DHX35: variants seen among roughly 807,000 people sequenced by gnomAD.
DHX35 encodes the protein probable ATP-dependent RNA helicase DHX35.
A neutral mutation model predicts 99.6 loss-of-function variants in DHX35; 84 were observed. The observed-to-expected ratio is 0.84, with a 90% CI of 0.71 to 1.01. The LOEUF (loss-of-function observed/expected upper bound fraction) is 1.01, where lower values mean the gene tolerates loss of function less well. DHX35 is among the 50% of genes least tolerant of loss of function. The probability of loss-of-function intolerance (pLI) is 0.00; values close to 1 mark genes in which losing one functional copy is unlikely to be tolerated. For missense variants in DHX35, 852 were observed against 888.5 expected, an observed-to-expected ratio of 0.96 and a Z score of 0.52; for synonymous variants, 331 against 316.2, an observed-to-expected ratio of 1.05 and a Z score of -0.50.
intron 18 of DHX35, among the ~76,000 whole-genome samples, chr20:39,025,787 A>T (rs1343499804): frequency 6.6e-6 from 1 of 152,232 alleles, no homozygotes; most frequent in African/African-American, 2.4e-5. Flanking sequence ...GCAGCCACTA[A>T]AGGTAAGACA....
rs1350930172 is a variant in DHX35, at chr20:39,002,882, A to G, written c.852+14A>G. On this transcript the variant is annotated intron_variant, in intron 10 of 21. Coordinates refer to ENST00000252011, the MANE Select transcript of DHX35 (RefSeq NM_021931.4). ...CTTACTGGCCAGGTAATGCCACTGT[A>G]CTTCTCTGATGAATAGACATGTTAA... The G allele has an allele frequency of 6.2e-7, 1 of 1,606,948 alleles. No individual in the cohort carries two copies.
At position 39,038,506 on chromosome 20, in the gene DHX35, C is replaced by T. The variant is rs915159909; in HGVS notation, c.2075C>T (p.Ser692Phe). The change falls in exon 22 of 22, where the codon TCT becomes TTT. Residue 692 changes from serine (S) to phenylalanine (F), a missense_variant. Transcript: ENST00000252011. ...TCTTCTCTTCTGTTGCAGCACCTGTCTCTGAAAGCCAAAAGGGCCAAGGTC... is the reference window on the plus strand; with the variant it reads ...TCTTCTCTTCTGTTGCAGCACCTGTTTCTGAAAGCCAAAAGGGCCAAGGTC... ...PHFYQQGTHLSLKAKRAKVQD... is the reference protein window; with the variant it reads ...PHFYQQGTHLFLKAKRAKVQD... The T allele has an allele frequency of 6.2e-7, 1 of 1,613,604 alleles. No individual in the cohort carries two copies. Among genetic ancestry groups the T allele is most frequent in the South Asian group, 1.1e-5 (1 of 91,086 alleles).
chr20:39,033,106 C>T (rs186745891), intron 20 of DHX35, among the ~76,000 whole-genome samples: 6 of 152,052 alleles, frequency 3.9e-5, no homozygotes, highest in Admixed American at 6.5e-5. Context: ...CATGGTGGCA[C>T]GTGGCTGTAG....
intron 11 of DHX35, among the ~76,000 whole-genome samples, chr20:39,005,240 G>C (rs991679937): frequency 2.0e-5 from 3 of 152,130 alleles, no homozygotes; most frequent in African/African-American, 7.2e-5. Flanking sequence ...CCCTTCAGGG[G>C]CAGCTCCCAA....
chr20:39,019,005 GTA>G, intron 15 of DHX35, 106 bp downstream of exon 15: 5 of 941,070 alleles, frequency 5.3e-6, no homozygotes, highest in Non-Finnish European at 6.7e-6. Flanking sequence ...TGGTAAAGAA[GTA>G]TATATATATC....
chr20:38,972,734 T>G, intron 3 of DHX35, 83 bp downstream of exon 3: 1 of 876,212 alleles, frequency 1.1e-6, no homozygotes, highest in Non-Finnish European at 1.8e-6. Context: ...TTACTATCAT[T>G]TACATTTTTA....
intron 12 of DHX35, 103 bp from the exon 13 acceptor site, chr20:39,010,177 A>G (rs1272303598): frequency 1.3e-5 from 19 of 1,511,042 alleles, no homozygotes; most frequent in Non-Finnish European, 1.3e-5. Flanking sequence ...CTAGAATCCT[A>G]GAGACCCTTG....
chr20:39,006,091 G>T, intron 11 of DHX35, 55 bp from the exon 12 acceptor site: 1 of 1,578,166 alleles, frequency 6.3e-7, no homozygotes, highest in East Asian at 2.3e-5. Context: ...TTACGAGTTT[G>T]TTAAAAGCAA....
intron 1 of DHX35, among the ~76,000 whole-genome samples, chr20:38,963,233 A>G (rs147113605): frequency 6.6e-6 from 1 of 152,348 alleles, no homozygotes; most frequent in African/African-American, 2.4e-5. Flanking sequence ...AGTTTCTTGT[A>G]AAAAACAAAA....
intron 1 of DHX35, among the ~76,000 whole-genome samples, chr20:38,966,570 C>T (rs955778305): frequency 1.3e-5 from 2 of 152,124 alleles, no homozygotes; most frequent in Admixed American, 1.3e-4. Context: ...TCGGGATGCC[C>T]AGGCAGGAGA....
At chr20:38,995,288 G>A (rs1568732526) in intron 8 of DHX35, among the ~76,000 whole-genome samples, 1 of 152,206 alleles carries the variant, frequency 6.6e-6, no homozygotes, top group East Asian at 1.9e-4. Context: ...ACTTTGGGAG[G>A]CTGAGGTGGG....
Position 39,014,866 on chromosome 20 carries a change from T to C in DHX35, c.1348-14T>C, listed in dbSNP as rs150199159. The C allele has an allele frequency of 2.6e-4, 424 of 1,614,218 alleles. 1 individual carries two copies. Among genetic ancestry groups the C allele is most frequent in the Non-Finnish European group, 3.3e-4 (392 of 1,180,018 alleles). ...AAATAAATTGATTCAGGAAGATTTTTATGTTTTTTCCAGCCCCCTCCAGCA... is the reference window on the plus strand; with the variant it reads ...AAATAAATTGATTCAGGAAGATTTTCATGTTTTTTCCAGCCCCCTCCAGCA... On this transcript the variant is annotated splice_polypyrimidine_tract_variant and intron_variant, in intron 13 of 21. Transcript: ENST00000252011.
intron 8 of DHX35, among the ~76,000 whole-genome samples, chr20:39,000,080 T>C (rs1391277726): frequency 6.6e-6 from 1 of 152,210 alleles, no homozygotes; most frequent in Non-Finnish European, 1.5e-5. Context: ...TGTCCTCCCT[T>C]AGGGACCCCT....
rs1344074590 is a variant in DHX35 at position 39,018,869 on chromosome 20, C to A, written c.1468C>A (p.Pro490Thr). The A allele has an allele frequency of 6.2e-7, 1 of 1,613,884 alleles. No homozygotes were observed. Among genetic ancestry groups the A allele is most frequent in the East Asian group, 2.2e-5 (1 of 44,876 alleles). Residue 490 changes from proline to threonine, a missense_variant, in exon 15 of 22, where the codon CCC becomes ACC. By Grantham distance (38) the Pro-to-Thr change is conservative. Transcript: ENST00000252011. Reference protein sequence around the residue: ...GMRIAEFPLNPMFAKMLLESG... With the variant: ...GMRIAEFPLNTMFAKMLLESG... ...GAGAATTGCAGAGTTTCCTTTGAAT[C>A]CCATGTTTGCCAAAATGCTGCTTGA...
At chr20:39,004,434 C>T (rs1180046416) in intron 11 of DHX35, among the ~76,000 whole-genome samples, 1 of 152,194 alleles carries the variant, frequency 6.6e-6, no homozygotes, top group Non-Finnish European at 1.5e-5. Context: ...CAGGTGACTT[C>T]TCTTTTCTTC....
At chr20:39,000,361 C>A (rs771266172) in intron 8 of DHX35, among the ~76,000 whole-genome samples, 31 of 152,142 alleles carry the variant, frequency 2.0e-4, no homozygotes, top group Non-Finnish European at 4.3e-4. Context: ...TCTTTTGGGG[C>A]ATGGGGTGTC....
chr20:38,983,649 C>T (rs377086996), intron 3 of DHX35, 50 bp from the exon 4 acceptor site: 11 of 1,499,452 alleles, frequency 7.3e-6, no homozygotes, highest in African/African-American at 6.9e-5. Context: ...GGGGAGATTG[C>T]TCTGCAAAAG....
intron 1 of DHX35, chr20:38,962,693 C>T: frequency 4.6e-6 from 2 of 438,254 alleles, no homozygotes; most frequent in Non-Finnish European, 8.2e-6. Context: ...GCCCACCCCG[C>T]GAGATGGGGA....
intron 16 of DHX35, among the ~76,000 whole-genome samples, chr20:39,022,395 G>A (rs973625424): frequency 1.3e-5 from 2 of 152,112 alleles, no homozygotes; most frequent in African/African-American, 4.8e-5. Flanking sequence ...CTGACCTCAG[G>A]TGATCCGCCC....
Sources: gnomAD v4.1 joint callset for allele counts (sites outside exome capture counted in the v4.1 genomes callset) on GRCh38, gnomAD v4.1.1 for gene constraint, MANE v1.5 for transcripts, NCBI Gene and HGNC (gene_info 2026-07-23, HGNC 2026-07-21) for gene names.